LAPTM4B: variants seen among roughly 807,000 people sequenced by gnomAD.
LAPTM4B encodes the protein lysosomal protein transmembrane 4 beta.
In LAPTM4B, 26 loss-of-function variants were observed where a neutral mutation model predicts 28.5. The ratio of observed to expected loss-of-function variants is 0.91; its 90% CI spans 0.67 to 1.27. LAPTM4B has a LOEUF of 1.27. Ranked by LOEUF, LAPTM4B falls within the 50% of genes most tolerant of loss-of-function variation. LAPTM4B has a pLI of 0.00. For missense variants in LAPTM4B, 288 were observed against 285.8 expected (o/e 1.01, Z -0.06); for synonymous variants, 109 against 106.4 (o/e 1.02, Z -0.15).
intron 5 of LAPTM4B, among the ~76,000 whole-genome samples, chr8:97,822,584 G>A (rs1817023312): frequency 6.6e-6 from 1 of 150,382 alleles, no homozygotes. Context: ...GCACAACCAT[G>A]TTCATCATTA....
intron 5 of LAPTM4B, among the ~76,000 whole-genome samples, chr8:97,824,856 G>A (rs1479633546): frequency 6.9e-6 from 1 of 145,664 alleles, no homozygotes; most frequent in African/African-American, 2.6e-5. Flanking sequence ...AATAGAATAC[G>A]GCTCCAGTAG....
intron 6 of LAPTM4B, among the ~76,000 whole-genome samples, chr8:97,850,474 G>GTATGTGTGTGTGTGTGTGTGTGTGTGTA (rs113118359): frequency 6.8e-6 from 1 of 146,266 alleles, no homozygotes; most frequent in African/African-American, 2.6e-5. Flanking sequence ...GGGTGTGTGT[G>GTATGTGTGTGTGTGTGTGTGTGTGTGTA]TGTGTGTGTG....
intron 1 of LAPTM4B, among the ~76,000 whole-genome samples, chr8:97,796,654 G>A (rs1239968494): frequency 1.3e-5 from 2 of 152,084 alleles, no homozygotes; most frequent in Non-Finnish European, 2.9e-5. Context: ...AAATGTCCGG[G>A]CACGTCCGGG....
intron 1 of LAPTM4B, among the ~76,000 whole-genome samples, chr8:97,792,014 A>G (rs945361316): frequency 2.0e-5 from 3 of 152,168 alleles, no homozygotes; most frequent in African/African-American, 7.2e-5. Context: ...TTTGGGGGGA[A>G]AAACTTCCAT....
chr8:97,833,248 C>A (rs1259717434), intron 6 of LAPTM4B, among the ~76,000 whole-genome samples: 1 of 151,902 alleles, frequency 6.6e-6, no homozygotes, highest in African/African-American at 2.4e-5. Context: ...GCAGGAGAAT[C>A]GCTTGAACCT....
At chr8:97,821,778 G>GCAGC (rs986206804) in intron 5 of LAPTM4B, among the ~76,000 whole-genome samples, 51 of 152,080 alleles carry the variant, frequency 3.4e-4, no homozygotes, top group African/African-American at 1.2e-3. Flanking sequence ...GTGCGGCAGG[G>GCAGC]CAGCCTTCCA....
chr8:97,816,813 G>A (rs918435345), intron 4 of LAPTM4B, among the ~76,000 whole-genome samples: 16 of 152,152 alleles, frequency 1.1e-4, no homozygotes, highest in Admixed American at 4.6e-4. Flanking sequence ...GGTGGCACAC[G>A]CCTGTGACCC....
At chr8:97,845,706 G>A (rs945519375) in intron 6 of LAPTM4B, among the ~76,000 whole-genome samples, 6 of 151,920 alleles carry the variant, frequency 3.9e-5, no homozygotes, top group Admixed American at 3.3e-4. Context: ...ACCCTCCCCA[G>A]GAAAATAAAC....
At position 97,780,374 on chromosome 8, in the gene LAPTM4B, G is replaced by C. The variant is rs745454890; in HGVS notation, c.99+4266G>C. On this transcript the variant is annotated intron_variant, in intron 1 of 6. Coordinates refer to ENST00000521545, the MANE Select transcript of LAPTM4B (RefSeq NM_018407.6). ...CAGGAGGCGGAGGTTGCAGTGAGCT[G>C]AGATCGTGCGATTGCACTCCAGCTT... is the stretch of plus-strand genomic sequence containing the variant. Among the ~76,000 whole-genome samples, 21 of 152,138 alleles carry C rather than the reference G, an allele frequency of 1.4e-4. 1 individual carries two copies. The highest frequency in any genetic ancestry group is 3.9e-4 in the Admixed American group (6 of 15,260).
intron 2 of LAPTM4B, among the ~76,000 whole-genome samples, chr8:97,806,715 T>C (rs1816759402): frequency 6.6e-6 from 1 of 152,078 alleles, no homozygotes; most frequent in Non-Finnish European, 1.5e-5. Flanking sequence ...TCTCATGAGA[T>C]TGAGGCCGAG....
chr8:97,845,310 A>G (rs1256784580), intron 6 of LAPTM4B, among the ~76,000 whole-genome samples: 1 of 149,410 alleles, frequency 6.7e-6, no homozygotes, highest in Non-Finnish European at 1.5e-5. Flanking sequence ...ATTTTCCCAA[A>G]CTAACACTTG....
chr8:97,792,739 G>A (rs532587569), intron 1 of LAPTM4B, among the ~76,000 whole-genome samples: 11 of 151,900 alleles, frequency 7.2e-5, no homozygotes, highest in African/African-American at 2.2e-4. Flanking sequence ...GGCACCACAC[G>A]TGGCTGTTTT....
intron 6 of LAPTM4B, among the ~76,000 whole-genome samples, chr8:97,844,460 G>T (rs1454815841): frequency 6.6e-6 from 1 of 152,138 alleles, no homozygotes. Context: ...GCTCATGCTT[G>T]TGGAATTCAT....
intron 6 of LAPTM4B, among the ~76,000 whole-genome samples, chr8:97,826,891 A>T (rs1217144841): frequency 1.6e-4 from 25 of 152,252 alleles, no homozygotes; most frequent in Non-Finnish European, 1.5e-5. Flanking sequence ...ACAAATAAAA[A>T]GTCCATAATT....
At chr8:97,829,987 G>A (rs560641276) in intron 6 of LAPTM4B, among the ~76,000 whole-genome samples, 63 of 152,208 alleles carry the variant, frequency 4.1e-4, no homozygotes, top group African/African-American at 1.5e-3. Flanking sequence ...GAGCCACCGC[G>A]CCCAGCCCCT....
At chr8:97,795,611 G>T (rs1316027667) in intron 1 of LAPTM4B, among the ~76,000 whole-genome samples, 1 of 151,992 alleles carries the variant, frequency 6.6e-6, no homozygotes, top group African/African-American at 2.4e-5. Context: ...CCAGCATCTT[G>T]GGGGGCTGAG....
At position 97,852,825 on chromosome 8, in the gene LAPTM4B, A is replaced by G. The variant is rs1817550405; in HGVS notation, c.*1351A>G. The G allele has an allele frequency of 6.7e-6, 2 of 297,828 alleles. No homozygotes were observed. The highest frequency in any genetic ancestry group is 2.2e-5 in the African/African-American group (1 of 44,756). 18.4% of individuals were successfully genotyped at this position (297,828 alleles called of 1,614,324 possible). A position where few individuals can be genotyped will look rare whatever the true frequency, so the allele number is the denominator to read the frequency against. On this transcript the variant is annotated 3_prime_UTR_variant, in exon 7 of 7. Transcript: ENST00000521545. The stretch of plus-strand genomic sequence containing the variant: ...ATGACTGAGTGAAAACTAATACACT[A>G]TGAGATGAAAAGTACTTGTCAGGGA...
Position 97,776,021 on chromosome 8 carries a change from C to G in LAPTM4B, c.12C>G (p.Val4=), listed in dbSNP as rs139850434. The change falls in exon 1 of 7, where the codon GTC becomes GTG. Residue 4 remains valine (V), a synonymous_variant. Transcript: ENST00000521545. Reference sequence around the variant, plus strand: ...CTGCGCCCGGAGCGATGAAGATGGTCGCGCCCTGGACGCGGTTCTACTCCA... The same window carrying G: ...CTGCGCCCGGAGCGATGAAGATGGTGGCGCCCTGGACGCGGTTCTACTCCA... MKM[V]APWTRFYSNS... The G allele has an allele frequency of 4.4e-6, 7 of 1,578,782 alleles. No homozygotes were observed. The highest frequency in any genetic ancestry group is 6.0e-6 in the Non-Finnish European group (7 of 1,167,014).
At chr8:97,786,701 GA>G (rs147660476) in intron 1 of LAPTM4B, among the ~76,000 whole-genome samples, 5,403 of 89,212 alleles carry the variant, frequency 0.061, 106 homozygotes, top group Non-Finnish European at 0.079. Context: ...TCCCGTCTCA[GA>G]AAAAAAAAAA....
Sources: gnomAD v4.1 joint callset for allele counts (sites outside exome capture counted in the v4.1 genomes callset) on GRCh38, gnomAD v4.1.1 for gene constraint, MANE v1.5 for transcripts, NCBI Gene and HGNC (gene_info 2026-07-23, HGNC 2026-07-21) for gene names.